DLG2: variants seen among roughly 807,000 people sequenced by gnomAD.
DLG2 encodes the protein discs large MAGUK scaffold protein 2.
DLG2 carries 45 observed loss-of-function variants against 132.5 expected under a neutral mutation model. The observed-to-expected ratio is 0.34, with a 90% CI of 0.27 to 0.44. The LOEUF is 0.44. Among genes scored for constraint, DLG2 ranks in the 20% least tolerant of loss-of-function variants. DLG2 has a pLI of 1.00. For synonymous variants in DLG2, 424 were observed against 419.6 expected (o/e 1.01, Z -0.13); for missense variants, 1,045 against 1,196.9 (o/e 0.87, Z 1.87).
At chr11:85,068,678 C>A (rs1465072657) in intron 6 of DLG2, among the ~76,000 whole-genome samples, 2 of 152,104 alleles carry the variant, frequency 1.3e-5, no homozygotes, top group African/African-American at 4.8e-5. Context: ...AAGAACATTC[C>A]ATGCTCATGG....
At chr11:83,556,263 T>A (rs1190116724) in intron 19 of DLG2, among the ~76,000 whole-genome samples, 1 of 152,078 alleles carries the variant, frequency 6.6e-6, no homozygotes, top group South Asian at 2.1e-4. Flanking sequence ...CAGCGAAACA[T>A]GCGTATGGAC....
At chr11:84,988,296 A>C (rs545999876) in intron 6 of DLG2, among the ~76,000 whole-genome samples, 134 of 152,342 alleles carry the variant, frequency 8.8e-4, no homozygotes, top group African/African-American at 3.2e-3. Context: ...GTGGGAATGT[A>C]AACTAACACT....
At chr11:84,159,326 TG>T in intron 9 of DLG2, among the ~76,000 whole-genome samples, 1 of 152,138 alleles carries the variant, frequency 6.6e-6, no homozygotes, top group East Asian at 1.9e-4. Flanking sequence ...AATAATAAAA[TG>T]GGAAAAAAGA....
At chr11:84,847,290 A>T (rs73514995) in intron 6 of DLG2, among the ~76,000 whole-genome samples, 1,604 of 152,300 alleles carry the variant, frequency 0.011, 23 homozygotes, top group African/African-American at 0.036. Context: ...ATCAGAGGCT[A>T]GAGAAAAGGT....
intron 3 of DLG2, among the ~76,000 whole-genome samples, chr11:85,479,913 A>G (rs2093246451): frequency 6.6e-6 from 1 of 152,164 alleles, no homozygotes; most frequent in African/African-American, 2.4e-5. Flanking sequence ...TTATAAGAAT[A>G]CCAATCATAC....
intron 20 of DLG2, among the ~76,000 whole-genome samples, chr11:83,534,305 C>T (rs545027763): frequency 7.2e-5 from 11 of 152,250 alleles, no homozygotes; most frequent in African/African-American, 2.4e-4. Context: ...AATAATTGTC[C>T]AGCAAAAATA....
intron 6 of DLG2, among the ~76,000 whole-genome samples, chr11:84,795,434 GTTTC>G (rs2074449348): frequency 6.6e-6 from 1 of 151,792 alleles, no homozygotes; most frequent in African/African-American, 2.4e-5. Flanking sequence ...CCCACTGTGG[GTTTC>G]CTCCCTGCTG....
chr11:84,149,787 T>A (rs989270090), intron 9 of DLG2, among the ~76,000 whole-genome samples: 2 of 152,110 alleles, frequency 1.3e-5, no homozygotes, highest in Non-Finnish European at 2.9e-5. Flanking sequence ...TGTCACCCAA[T>A]GCAATGACAT....
chr11:83,778,736 A>G (rs1488900471), intron 18 of DLG2, among the ~76,000 whole-genome samples: 1 of 152,116 alleles, frequency 6.6e-6, no homozygotes, highest in Non-Finnish European at 1.5e-5. Context: ...ACTGGCTGTT[A>G]GGCATGGGGA....
At chr11:84,814,950 G>A (rs188064948) in intron 6 of DLG2, among the ~76,000 whole-genome samples, 3 of 152,168 alleles carry the variant, frequency 2.0e-5, no homozygotes, top group Non-Finnish European at 2.9e-5. Context: ...GCCTGATGGG[G>A]CTGCTTTCTG....
At chr11:83,902,156 T>G (rs1274387122) in intron 15 of DLG2, among the ~76,000 whole-genome samples, 1 of 152,194 alleles carries the variant, frequency 6.6e-6, no homozygotes, top group African/African-American at 2.4e-5. Flanking sequence ...CTATAATGTA[T>G]TCACTCTGGG....
intron 3 of DLG2, chr11:85,336,300 G>T: frequency 6.5e-6 from 1 of 153,436 alleles, no homozygotes; most frequent in South Asian, 2.0e-4. Flanking sequence ...TGCTCCCCAT[G>T]GCTGGACAAG....
At chr11:83,611,000 C>T (rs1165079062) in intron 19 of DLG2, among the ~76,000 whole-genome samples, 1 of 152,162 alleles carries the variant, frequency 6.6e-6, no homozygotes, top group African/African-American at 2.4e-5. Flanking sequence ...CTCTCAAGTA[C>T]AGGTTGCTTA....
intron 3 of DLG2, among the ~76,000 whole-genome samples, chr11:85,418,762 T>C (rs2090063351): frequency 6.6e-6 from 1 of 152,198 alleles, no homozygotes; most frequent in African/African-American, 2.4e-5. Flanking sequence ...CCACTGCTTT[T>C]TGTTTGCTTT....
chr11:83,605,632 G>A (rs999116687), intron 19 of DLG2, among the ~76,000 whole-genome samples: 6 of 152,152 alleles, frequency 3.9e-5, no homozygotes, highest in South Asian at 2.1e-4. Flanking sequence ...ACTGAGACTC[G>A]AAGAGTTTAA....
At chr11:84,447,636 G>A (rs887772671) in intron 7 of DLG2, among the ~76,000 whole-genome samples, 4 of 151,884 alleles carry the variant, frequency 2.6e-5, no homozygotes, top group Admixed American at 6.6e-5. Flanking sequence ...CTTATGAGTA[G>A]TTTTTTCTTT....
intron 7 of DLG2, among the ~76,000 whole-genome samples, chr11:84,515,315 ACC>A (rs58352130): frequency 2.3e-5 from 3 of 131,588 alleles, no homozygotes; most frequent in South Asian, 2.5e-4. Context: ...ACACACACAC[ACC>A]CCAAATATAT....
chr11:84,662,561 A>T (rs563029459), intron 6 of DLG2, among the ~76,000 whole-genome samples: 2 of 150,752 alleles, frequency 1.3e-5, no homozygotes, highest in South Asian at 4.4e-4. Context: ...AGGAGGGCAG[A>T]TCCCCACCTG....
chr11:84,487,019 T>C (rs1603107754), intron 7 of DLG2, among the ~76,000 whole-genome samples: 1 of 151,970 alleles, frequency 6.6e-6, no homozygotes, highest in African/African-American at 2.4e-5. Context: ...TGGAAGTGAG[T>C]GTAATAGGAA....
Sources: allele counts gnomAD v4.1 joint callset (sites outside exome capture counted in the v4.1 genomes callset), GRCh38; gene constraint gnomAD v4.1.1; transcripts MANE v1.5; gene names NCBI Gene and HGNC (gene_info 2026-07-23, HGNC 2026-07-21).